Variants in RANBP2 observed in about 807,000 individuals in gnomAD.
RANBP2 encodes the protein E3 SUMO-protein ligase RanBP2.
A neutral mutation model predicts 303.6 loss-of-function variants in RANBP2; 57 were observed. That is an observed-to-expected ratio of 0.19 (90% CI 0.15 to 0.23). The LOEUF (loss-of-function observed/expected upper bound fraction) is 0.23. Ranked by LOEUF, RANBP2 falls within the 10% of genes least tolerant of loss-of-function variation. The probability of loss-of-function intolerance (pLI) is 1.00; values close to 1 mark genes in which losing one functional copy is unlikely to be tolerated. For synonymous variants in RANBP2, 1,167 were observed against 1,301.5 expected (o/e 0.90, Z 2.23); for missense variants, 3,138 against 3,780.8 (o/e 0.83, Z 4.46).
the RANBP2 span, among the ~76,000 whole-genome samples, chr2:109,472,926 A>G: frequency 1.3e-5 from 2 of 152,148 alleles, no homozygotes; most frequent in Admixed American, 1.3e-4. Flanking sequence ...CCTTTGGCCT[A>G]ATCTCCTTTG....
chr2:108,737,672 C>T (rs1440252741), intron 6 of RANBP2, among the ~76,000 whole-genome samples: 42 of 151,176 alleles, frequency 2.8e-4, no homozygotes, highest in South Asian at 6.3e-4. Context: ...TCTCTGCCTC[C>T]GGAATAGGTG....
At chr2:108,998,078 G>A in the RANBP2 span, among the ~76,000 whole-genome samples, 2 of 152,114 alleles carry the variant, frequency 1.3e-5, no homozygotes, top group East Asian at 3.9e-4. Flanking sequence ...TACCGGAACT[G>A]TTGCTCTCCC....
the RANBP2 span, chr2:109,567,826 C>T: frequency 4.2e-5 from 67 of 1,601,474 alleles, no homozygotes; most frequent in Middle Eastern, 1.8e-4. Context: ...TTCATTGCAG[C>T]GTTGACCTTA....
the RANBP2 span, chr2:109,124,512 T>C: frequency 1.3e-5 from 2 of 152,238 alleles, no homozygotes; most frequent in East Asian, 3.9e-4. Context: ...GGTTTCACTA[T>C]GTTGGCCAGG....
chr2:109,590,354 T>TA, the RANBP2 span, among the ~76,000 whole-genome samples: 1 of 152,050 alleles, frequency 6.6e-6, no homozygotes, highest in East Asian at 1.9e-4. Context: ...ACAGAGTGAT[T>TA]AAGGTCCCAA....
At chr2:109,043,641 T>TAAAA in the RANBP2 span, among the ~76,000 whole-genome samples, 1 of 152,218 alleles carries the variant, frequency 6.6e-6, no homozygotes, top group African/African-American at 2.4e-5. Context: ...GGCCCGAATG[T>TAAAA]ATTTTTAAGC....
At chr2:109,111,825 T>G in the RANBP2 span, among the ~76,000 whole-genome samples, 8 of 139,476 alleles carry the variant, frequency 5.7e-5, no homozygotes, top group South Asian at 2.0e-3. Context: ...ATGTTCCCCT[T>G]CCTGTGTCCA....
the RANBP2 span, among the ~76,000 whole-genome samples, chr2:109,527,106 A>G: frequency 1.3e-5 from 2 of 152,210 alleles, no homozygotes; most frequent in Non-Finnish European, 2.9e-5. Flanking sequence ...CTACACACAC[A>G]CACGTGCACA....
At chr2:109,551,957 G>A in the RANBP2 span, among the ~76,000 whole-genome samples, 114 of 152,262 alleles carry the variant, frequency 7.5e-4, no homozygotes, top group Non-Finnish European at 8.7e-4. Flanking sequence ...CCCAGGCCGC[G>A]GACCAGTACT....
chr2:109,265,936 TTACCCACCG>T, the RANBP2 span, among the ~76,000 whole-genome samples: 3 of 152,226 alleles, frequency 2.0e-5, no homozygotes, highest in African/African-American at 4.8e-5. Context: ...AAACTTGAAA[TTACCCACCG>T]AGCCCTGGAG....
chr2:109,186,266 C>T, the RANBP2 span, among the ~76,000 whole-genome samples: 1 of 152,220 alleles, frequency 6.6e-6, no homozygotes, highest in South Asian at 2.1e-4. Context: ...TTGCATTTGC[C>T]CAGATGAATT....
chr2:108,841,722 T>C, the RANBP2 span, among the ~76,000 whole-genome samples: 1 of 152,190 alleles, frequency 6.6e-6, no homozygotes, highest in Admixed American at 6.5e-5. Flanking sequence ...TTTTAGGCCA[T>C]TTACATGTAA....
At chr2:109,379,674 G>T in the RANBP2 span, among the ~76,000 whole-genome samples, 4 of 152,210 alleles carry the variant, frequency 2.6e-5, no homozygotes, top group Non-Finnish European at 4.4e-5. Flanking sequence ...GCGACAGCCT[G>T]TGGAAGGGAT....
chr2:109,434,196 C>T, the RANBP2 span, among the ~76,000 whole-genome samples: 23 of 152,354 alleles, frequency 1.5e-4, no homozygotes, highest in East Asian at 1.4e-3. Flanking sequence ...TCCAGGAAGG[C>T]GCAGCCTGAG....
the RANBP2 span, among the ~76,000 whole-genome samples, chr2:109,455,810 C>T: frequency 6.6e-6 from 1 of 152,228 alleles, no homozygotes; most frequent in Non-Finnish European, 1.5e-5. Flanking sequence ...TTTACCAGTG[C>T]CATTCACTTC....
the RANBP2 span, among the ~76,000 whole-genome samples, chr2:109,653,394 C>CAAA: frequency 1.4e-5 from 2 of 141,790 alleles, no homozygotes; most frequent in Non-Finnish European, 3.1e-5. Context: ...GATTTCGTCT[C>CAAA]AAAAAAAAAA....
At chr2:108,974,056 G>A in the RANBP2 span, among the ~76,000 whole-genome samples, 3 of 151,948 alleles carry the variant, frequency 2.0e-5, no homozygotes, top group Non-Finnish European at 4.4e-5. Context: ...TTGGTCAGGC[G>A]CGGTGGCTCA....
chr2:108,780,359 A>ATT (rs869269194), intron 25 of RANBP2, among the ~76,000 whole-genome samples: 12,742 of 111,574 alleles, frequency 0.11, 941 homozygotes, highest in Non-Finnish European at 0.16. Context: ...CGCCCGGCTA[A>ATT]TTTTTTTTTT....
At chr2:109,604,055 G>A in the RANBP2 span, among the ~76,000 whole-genome samples, 2 of 151,302 alleles carry the variant, frequency 1.3e-5, no homozygotes, top group East Asian at 2.0e-4. Context: ...CCAGCTACTC[G>A]GGAGGCTGAG....
Sources: gnomAD v4.1 joint callset for allele counts (sites outside exome capture counted in the v4.1 genomes callset) on GRCh38, gnomAD v4.1.1 for gene constraint, MANE v1.5 for transcripts, NCBI Gene and HGNC (gene_info 2026-07-23, HGNC 2026-07-21) for gene names.